The following PRKCE variants were observed in gnomAD, a reference collection of about 807,000 sequenced individuals.
The protein encoded by PRKCE is protein kinase C epsilon type.
Under a neutral mutation model 85.4 loss-of-function variants are expected in PRKCE, and 16 were observed. The ratio of observed to expected loss-of-function variants is 0.19; its 90% CI spans 0.13 to 0.28. The LOEUF (loss-of-function observed/expected upper bound fraction) is 0.28. Ranked by LOEUF, PRKCE falls within the 10% of genes least tolerant of loss-of-function variation. PRKCE has a pLI of 1.00. For missense variants in PRKCE, 573 were observed against 975.2 expected, an observed-to-expected ratio of 0.59 and a Z score of 5.49; for synonymous variants, 388 against 371.5, an observed-to-expected ratio of 1.04 and a Z score of -0.51.
chr2:45,661,505 T>A (rs1401930415), intron 1 of PRKCE, among the ~76,000 whole-genome samples: 1 of 144,418 alleles, frequency 6.9e-6, no homozygotes, highest in Non-Finnish European at 1.5e-5. Flanking sequence ...GAGTTTTTTT[T>A]GTTTTGTTTT....
At chr2:46,177,509 G>A (rs892409216) in intron 14 of PRKCE, among the ~76,000 whole-genome samples, 1 of 151,924 alleles carries the variant, frequency 6.6e-6, no homozygotes, top group Non-Finnish European at 1.5e-5. Flanking sequence ...TCACTGGCTC[G>A]TGCCACACAG....
intron 2 of PRKCE, among the ~76,000 whole-genome samples, chr2:45,926,639 C>T (rs905609215): frequency 6.6e-6 from 1 of 152,146 alleles, no homozygotes; most frequent in Non-Finnish European, 1.5e-5. Context: ...CCAGTGCTTT[C>T]TTTTTTTGTT....
rs1047726664 is a variant in PRKCE at position 45,695,650 on chromosome 2, G to A, written c.348+43202G>A. On this transcript the variant is annotated intron_variant, in intron 1 of 14. Transcript: ENST00000306156. ...TAGCCGGGTGTGATGGTATGTGCTTGTAATCCCAGCTAATCAGGAGGCTGA... is the reference window on the plus strand; with the variant it reads ...TAGCCGGGTGTGATGGTATGTGCTTATAATCCCAGCTAATCAGGAGGCTGA... Among the ~76,000 whole-genome samples, 9 of 152,172 alleles carry A rather than the reference G, an allele frequency of 5.9e-5. No homozygotes were observed. In the East Asian group the frequency reaches 1.7e-3, roughly 29 times the overall value.
chr2:45,911,345 C>T (rs1176388300), intron 2 of PRKCE, among the ~76,000 whole-genome samples: 2 of 152,212 alleles, frequency 1.3e-5, no homozygotes, highest in African/African-American at 4.8e-5. Flanking sequence ...GGCTAGACAG[C>T]ATGTGCACTG....
intron 1 of PRKCE, among the ~76,000 whole-genome samples, chr2:45,831,491 C>G (rs1376951943): frequency 6.6e-6 from 1 of 152,080 alleles, no homozygotes; most frequent in Non-Finnish European, 1.5e-5. Flanking sequence ...GATATATTCT[C>G]TACAGTTGAT....
At chr2:45,702,293 C>G (rs1678713162) in intron 1 of PRKCE, among the ~76,000 whole-genome samples, 1 of 152,196 alleles carries the variant, frequency 6.6e-6, no homozygotes, top group East Asian at 1.9e-4. Flanking sequence ...GTTTTAGTAG[C>G]TGGTAAGGAG....
intron 10 of PRKCE, among the ~76,000 whole-genome samples, chr2:46,072,948 G>T (rs1323618797): frequency 6.6e-6 from 1 of 152,206 alleles, no homozygotes; most frequent in African/African-American, 2.4e-5. Context: ...TGCCTAATCT[G>T]CTGGTTCCCA....
At chr2:45,993,289 C>A (rs530392033) in intron 6 of PRKCE, among the ~76,000 whole-genome samples, 1 of 152,244 alleles carries the variant, frequency 6.6e-6, no homozygotes, top group African/African-American at 2.4e-5. Context: ...AGGAGCCCAT[C>A]TTGCTCCCGT....
chr2:45,866,477 T>C (rs1419615095), intron 2 of PRKCE, among the ~76,000 whole-genome samples: 2 of 152,030 alleles, frequency 1.3e-5, no homozygotes, highest in African/African-American at 4.8e-5. Flanking sequence ...CTGGCTAATT[T>C]TTTGTATTTT....
intron 12 of PRKCE, among the ~76,000 whole-genome samples, chr2:46,149,660 T>C (rs1676412712): frequency 6.6e-6 from 1 of 150,428 alleles, no homozygotes; most frequent in African/African-American, 2.4e-5. Flanking sequence ...AAAGGTGATA[T>C]TAAATTCTAG....
At chr2:45,778,507 G>C (rs4953256) in intron 1 of PRKCE, among the ~76,000 whole-genome samples, 129,335 of 152,016 alleles carry the variant, frequency 0.85, 55,475 homozygotes, top group East Asian at 0.97. Context: ...CTGGTGTTCC[G>C]CCTTTGAGAT....
chr2:45,964,576 A>G (rs1701610100), intron 2 of PRKCE, among the ~76,000 whole-genome samples: 1 of 152,230 alleles, frequency 6.6e-6, no homozygotes, highest in African/African-American at 2.4e-5. Context: ...GTAAAGTTCC[A>G]CCATGACTGT....
chr2:45,671,431 C>A (rs945785538), intron 1 of PRKCE, among the ~76,000 whole-genome samples: 4 of 152,132 alleles, frequency 2.6e-5, no homozygotes, highest in Non-Finnish European at 4.4e-5. Flanking sequence ...TAGGGCCTGG[C>A]CTAGAAGGTA....
At chr2:46,171,914 G>C (rs1678940997) in intron 14 of PRKCE, among the ~76,000 whole-genome samples, 1 of 152,230 alleles carries the variant, frequency 6.6e-6, no homozygotes, top group Non-Finnish European at 1.5e-5. Flanking sequence ...CCAGGAAACA[G>C]AACCCCAGCA....
chr2:45,720,650 T>A (rs1403532646), intron 1 of PRKCE, among the ~76,000 whole-genome samples: 1 of 152,204 alleles, frequency 6.6e-6, no homozygotes, highest in Non-Finnish European at 1.5e-5. Flanking sequence ...ACTTGATGTA[T>A]TGATGCATGC....
chr2:45,763,594 A>G (rs959743670), intron 1 of PRKCE, among the ~76,000 whole-genome samples: 6 of 151,114 alleles, frequency 4.0e-5, no homozygotes, highest in Non-Finnish European at 5.9e-5. Context: ...ATTTAAGTTT[A>G]GTAATACTCA....
chr2:46,069,600 G>A (rs1667901439), intron 10 of PRKCE, among the ~76,000 whole-genome samples: 1 of 151,916 alleles, frequency 6.6e-6, no homozygotes, highest in African/African-American at 2.4e-5. Flanking sequence ...AGTTTATATG[G>A]GCCCTTATAA....
chr2:46,056,928 C>A (rs932415924), intron 10 of PRKCE, among the ~76,000 whole-genome samples: 5 of 152,158 alleles, frequency 3.3e-5, no homozygotes, highest in Non-Finnish European at 7.3e-5. Flanking sequence ...AAGAAATCAC[C>A]CCAAAACTCA....
intron 10 of PRKCE, among the ~76,000 whole-genome samples, chr2:46,021,100 G>T (rs935925418): frequency 2.6e-5 from 4 of 152,172 alleles, no homozygotes; most frequent in Admixed American, 6.5e-5. Flanking sequence ...TGGGGCATTG[G>T]GGGGCAGGGC....
Sources: gnomAD v4.1 joint callset for allele counts (sites outside exome capture counted in the v4.1 genomes callset) on GRCh38, gnomAD v4.1.1 for gene constraint, MANE v1.5 for transcripts, NCBI Gene and HGNC (gene_info 2026-07-23, HGNC 2026-07-21) for gene names.